DYNC1LI1: variants seen among roughly 807,000 people sequenced by gnomAD.
The protein encoded by DYNC1LI1 is dynein cytoplasmic 1 light intermediate chain 1, also known as cytoplasmic dynein 1 light intermediate chain 1.
DYNC1LI1 carries 19 observed loss-of-function variants against 63.8 expected under a neutral mutation model. The ratio of observed to expected loss-of-function variants is 0.30; its 90% CI spans 0.21 to 0.44. The LOEUF is 0.44. Ranked by LOEUF, DYNC1LI1 falls within the 20% of genes least tolerant of loss-of-function variation. DYNC1LI1 has a pLI of 1.00. For missense variants in DYNC1LI1, 565 were observed against 630.2 expected (o/e 0.90, Z 1.11); for synonymous variants, 225 against 232.3 (o/e 0.97, Z 0.28).
intron 2 of DYNC1LI1, among the ~76,000 whole-genome samples, chr3:32,547,200 G>A (rs974273652): frequency 2.0e-5 from 3 of 152,118 alleles, no homozygotes; most frequent in African/African-American, 2.4e-5. Flanking sequence ...CCAAGATCAC[G>A]CCACTGCACT....
At position 32,541,147 on chromosome 3, in the gene DYNC1LI1, T is replaced by C. The variant is rs768599690; in HGVS notation, c.628A>G (p.Arg210Gly). 1.9e-6 allele frequency: 3 copies of C among 1,613,424 alleles called. No homozygotes were observed. In the East Asian group the frequency reaches 6.7e-5, roughly 36 times the overall value. The change falls in exon 5 of 13, where the codon AGA (arginine) becomes GGA (glycine). Residue 210 changes from arginine (R) to glycine (G), a missense_variant. Physicochemically the swap from Arg to Gly is moderately radical, Grantham distance 125. Transcript: ENST00000273130. The stretch of plus-strand genomic sequence containing the variant: ...TCTTCTTGTGACGCAGTATTTCTTC[T>C]CTGGGGAGAAGCCGGGAAGTCTTCT... ...PGEDFPASPQ[R>G]RNTASQEDKD...
chr3:32,537,819 C>T (rs1207109675), intron 5 of DYNC1LI1, among the ~76,000 whole-genome samples: 1 of 131,614 alleles, frequency 7.6e-6, no homozygotes, highest in Non-Finnish European at 1.5e-5. Context: ...TAATAATGGT[C>T]ATTACACCTA....
chr3:32,533,118 T>C (rs1487644304), intron 7 of DYNC1LI1, 21 bp from the exon 8 acceptor site: 3 of 1,582,666 alleles, frequency 1.9e-6, no homozygotes. Flanking sequence ...ATACATATGA[T>C]AAATTCTCAA....
rs753825954 is a variant in DYNC1LI1 at position 32,545,917 on chromosome 3, A to G, written c.269T>C (p.Ile90Thr). The G allele has an allele frequency of 3.7e-6, 6 of 1,612,832 alleles. No homozygotes were observed. Among genetic ancestry groups the G allele is most frequent in the Admixed American group, 3.3e-5 (2 of 59,862 alleles). The part of the protein sequence containing the change: ...KTSLIRKIQG[I>T]EEYKKGRGLE... Reference sequence around the variant, plus strand: ...TCCTCTTCCTTTCTTATACTCCTCTATTCCCTGAATTTTTCTTATTAAGCT... The same window carrying G: ...TCCTCTTCCTTTCTTATACTCCTCTGTTCCCTGAATTTTTCTTATTAAGCT... The change falls in exon 3 of 13, where the codon ATA (isoleucine) becomes ACA (threonine). Residue 90 changes from isoleucine (I) to threonine (T), a missense_variant. Ile to Thr is a moderately conservative substitution (Grantham distance 89, BLOSUM62 -1). Coordinates refer to ENST00000273130, the MANE Select transcript of DYNC1LI1 (RefSeq NM_016141.4).
chr3:32,552,453 A>G (rs1246611129), intron 2 of DYNC1LI1, among the ~76,000 whole-genome samples: 2 of 151,564 alleles, frequency 1.3e-5, no homozygotes, highest in Non-Finnish European at 2.9e-5. Flanking sequence ...AGTCACTGAG[A>G]CCCCCAGCTT....
intron 5 of DYNC1LI1, among the ~76,000 whole-genome samples, chr3:32,538,066 AT>A (rs56048636): frequency 0.02 from 1,546 of 76,468 alleles, 161 homozygotes; most frequent in Non-Finnish European, 0.031. Context: ...TATATAATTT[AT>A]TATATATATA....
At chr3:32,548,112 G>A (rs1273698887) in intron 2 of DYNC1LI1, among the ~76,000 whole-genome samples, 3 of 151,950 alleles carry the variant, frequency 2.0e-5, no homozygotes. Context: ...AACCTGGAAG[G>A]TTCATCATTA....
chr3:32,528,593 T>C lies in DYNC1LI1; in HGVS notation c.1315A>G (p.Thr439Ala), dbSNP rs1559433124. ...KIDPNMKAGA[T>A]SEGVLANFFN... The stretch of plus-strand genomic sequence containing the variant: ...AAATTTGCCAGAACGCCTTCACTTG[T>C]AGCTCCAGCTATAAAAAAATAAAAA... Residue 439 changes from threonine to alanine, a missense_variant, in exon 12 of 13, where the codon ACA becomes GCA. Coordinates refer to ENST00000273130, the MANE Select transcript of DYNC1LI1 (RefSeq NM_016141.4). 1 of 1,592,646 alleles carries C rather than the reference T, an allele frequency of 6.3e-7. No homozygotes were observed.
chr3:32,569,925 T>C (rs1462402425), intron 2 of DYNC1LI1, among the ~76,000 whole-genome samples: 1 of 152,242 alleles, frequency 6.6e-6, no homozygotes, highest in Non-Finnish European at 1.5e-5. Context: ...CTGTCAATTA[T>C]ACAAAGAGTC....
chr3:32,536,967 G>GGT, intron 6 of DYNC1LI1, 44 bp downstream of exon 6: 1 of 1,129,702 alleles, frequency 8.9e-7, no homozygotes, highest in Non-Finnish European at 1.3e-6. Flanking sequence ...AACTAAAACA[G>GGT]GTAAAGTGAT....
intron 4 of DYNC1LI1, among the ~76,000 whole-genome samples, chr3:32,542,608 A>T (rs1422814303): frequency 6.6e-6 from 1 of 151,982 alleles, no homozygotes. Context: ...GGGTTTCATC[A>T]TATCGGCCAG....
chr3:32,536,859 T>G (rs1397179333), intron 6 of DYNC1LI1, 152 bp downstream of exon 6: 1 of 555,274 alleles, frequency 1.8e-6, no homozygotes, highest in African/African-American at 2.0e-5. Context: ...CAAATGTAAA[T>G]AATTTGGGAA....
chr3:32,567,434 G>T (rs1014223029), intron 2 of DYNC1LI1, among the ~76,000 whole-genome samples: 1 of 152,154 alleles, frequency 6.6e-6, no homozygotes, highest in African/African-American at 2.4e-5. Context: ...TGTGTGTGTT[G>T]TGAGGGGAGT....
intron 7 of DYNC1LI1, among the ~76,000 whole-genome samples, chr3:32,533,344 G>A (rs1359963881): frequency 6.6e-6 from 1 of 152,136 alleles, no homozygotes; most frequent in Non-Finnish European, 1.5e-5. Flanking sequence ...ATGCATGGTG[G>A]CATGCACCTG....
intron 2 of DYNC1LI1, among the ~76,000 whole-genome samples, chr3:32,548,225 C>T (rs1476085620): frequency 2.0e-5 from 3 of 152,064 alleles, no homozygotes; most frequent in Admixed American, 6.6e-5. Context: ...ACAGCATTAC[C>T]GCTGAGCTCC....
At chr3:32,550,865 T>G (rs1461007098) in intron 2 of DYNC1LI1, among the ~76,000 whole-genome samples, 3 of 152,166 alleles carry the variant, frequency 2.0e-5, no homozygotes, top group Non-Finnish European at 4.4e-5. Flanking sequence ...TGGTGGCTCA[T>G]GCCTGCAAAC....
chr3:32,563,270 G>C (rs1698216504), intron 2 of DYNC1LI1, among the ~76,000 whole-genome samples: 1 of 151,112 alleles, frequency 6.6e-6, no homozygotes, highest in South Asian at 2.1e-4. Flanking sequence ...GCCCAAAAAG[G>C]TTAGTCCATG....
chr3:32,529,059 A>G (rs1011919773), intron 11 of DYNC1LI1, among the ~76,000 whole-genome samples: 7 of 152,326 alleles, frequency 4.6e-5, no homozygotes, highest in South Asian at 2.1e-4. Flanking sequence ...AACTCTTATT[A>G]GGTAGTATTT....
chr3:32,550,446 A>G (rs1698019573), intron 2 of DYNC1LI1, among the ~76,000 whole-genome samples: 2 of 152,186 alleles, frequency 1.3e-5, no homozygotes, highest in Admixed American at 6.5e-5. Flanking sequence ...CAAACAAACA[A>G]AAAAACAAAA....
Sources: gnomAD v4.1 joint callset for allele counts (sites outside exome capture counted in the v4.1 genomes callset) on GRCh38, gnomAD v4.1.1 for gene constraint, MANE v1.5 for transcripts, NCBI Gene and HGNC (gene_info 2026-07-23, HGNC 2026-07-21) for gene names.